Variants in UNC5D observed in about 807,000 individuals in gnomAD.
The protein encoded by UNC5D is netrin receptor UNC5D.
Under a neutral mutation model 105.4 loss-of-function variants are expected in UNC5D, and 39 were observed. That is an observed-to-expected ratio of 0.37 (90% CI 0.29 to 0.48). The LOEUF is 0.48. Ranked by LOEUF, UNC5D falls within the 20% of genes least tolerant of loss-of-function variation. The pLI is 0.98. For missense variants in UNC5D, 991 were observed against 1,202.4 expected (o/e 0.82, Z 2.60); for synonymous variants, 452 against 450.4 (o/e 1.00, Z -0.04).
chr8:35,671,638 TTA>T (rs1221487373), intron 4 of UNC5D, among the ~76,000 whole-genome samples: 1 of 152,128 alleles, frequency 6.6e-6, no homozygotes, highest in Non-Finnish European at 1.5e-5. Flanking sequence ...ATACAAGACT[TTA>T]GAGTTTGAAT....
chr8:35,725,307 T>TA (rs1828801127), intron 9 of UNC5D, among the ~76,000 whole-genome samples: 1 of 152,174 alleles, frequency 6.6e-6, no homozygotes, highest in Non-Finnish European at 1.5e-5. Flanking sequence ...TAAATGAGAT[T>TA]ACTTCATCAC....
At chr8:35,419,549 G>T (rs923044551) in intron 1 of UNC5D, among the ~76,000 whole-genome samples, 7 of 152,186 alleles carry the variant, frequency 4.6e-5, no homozygotes, top group Non-Finnish European at 1.0e-4. Context: ...GCTTTTGCTT[G>T]GGGAGTCCCA....
intron 1 of UNC5D, among the ~76,000 whole-genome samples, chr8:35,448,132 G>C (rs1482432811): frequency 6.6e-6 from 1 of 152,004 alleles, no homozygotes; most frequent in African/African-American, 2.4e-5. Flanking sequence ...GGCTGAACTG[G>C]AGTTAAAAAA....
intron 16 of UNC5D, among the ~76,000 whole-genome samples, chr8:35,775,025 T>G (rs1019402753): frequency 1.3e-5 from 2 of 152,050 alleles, no homozygotes; most frequent in Admixed American, 1.3e-4. Flanking sequence ...TGGTACCATC[T>G]CTAGGTTTGC....
intron 1 of UNC5D, among the ~76,000 whole-genome samples, chr8:35,503,418 T>C (rs1033261150): frequency 1.3e-5 from 2 of 152,172 alleles, no homozygotes; most frequent in Non-Finnish European, 2.9e-5. Context: ...ACTTACTCAC[T>C]AGCATGAGAG....
chr8:35,756,563 A>T lies in UNC5D; in HGVS notation c.2164-2757A>T, dbSNP rs1057029129. Among the ~76,000 whole-genome samples, 22 of 150,380 alleles carry T rather than the reference A, an allele frequency of 1.5e-4. 1 individual carries two copies. Among genetic ancestry groups the T allele is most frequent in the African/African-American group, 5.2e-4 (21 of 40,140 alleles). On this transcript the variant is annotated intron_variant, in intron 13 of 16. Transcript: ENST00000404895. Reference sequence around the variant, plus strand: ...TCACATGAGTCTTTAAAAAAAAAAAAAAAAGAAAAAAAGAAAGTCAAGCAT... The same window carrying T: ...TCACATGAGTCTTTAAAAAAAAAAATAAAAGAAAAAAAGAAAGTCAAGCAT...
chr8:35,514,780 T>C (rs975993450), intron 1 of UNC5D, among the ~76,000 whole-genome samples: 1 of 152,248 alleles, frequency 6.6e-6, no homozygotes, highest in Non-Finnish European at 1.5e-5. Flanking sequence ...TTTTGTGTGA[T>C]AATATTTGAA....
chr8:35,623,143 G>A (rs1320586706), intron 4 of UNC5D, among the ~76,000 whole-genome samples: 5 of 152,012 alleles, frequency 3.3e-5, no homozygotes, highest in African/African-American at 7.2e-5. Context: ...TCTGTCTCTC[G>A]GATGGTAATT....
At chr8:35,695,700 G>C (rs1826716311) in intron 7 of UNC5D, among the ~76,000 whole-genome samples, 1 of 149,358 alleles carries the variant, frequency 6.7e-6, no homozygotes, top group South Asian at 2.1e-4. Flanking sequence ...TGGCCAGAAA[G>C]TATTTTTATA....
intron 8 of UNC5D, among the ~76,000 whole-genome samples, chr8:35,707,883 G>A (rs911067585): frequency 4.6e-5 from 7 of 152,014 alleles, no homozygotes; most frequent in African/African-American, 1.2e-4. Flanking sequence ...CAACGGAATC[G>A]CTTAAACTGT....
At chr8:35,617,160 C>G (rs1563596353) in intron 4 of UNC5D, among the ~76,000 whole-genome samples, 1 of 152,146 alleles carries the variant, frequency 6.6e-6, no homozygotes, top group Non-Finnish European at 1.5e-5. Flanking sequence ...TAAACAACGG[C>G]CACAATCACC....
intron 4 of UNC5D, among the ~76,000 whole-genome samples, chr8:35,642,921 G>A (rs1406017800): frequency 6.6e-6 from 1 of 152,076 alleles, no homozygotes; most frequent in African/African-American, 2.4e-5. Context: ...ACCCCAGATA[G>A]AGTAAAGCAA....
chr8:35,544,820 C>T (rs1429808403), intron 1 of UNC5D, among the ~76,000 whole-genome samples: 2 of 152,080 alleles, frequency 1.3e-5, no homozygotes, highest in African/African-American at 4.8e-5. Flanking sequence ...CCAGGCTAGT[C>T]TCAAACTCCT....
At chr8:35,504,257 G>C (rs1271523964) in intron 1 of UNC5D, among the ~76,000 whole-genome samples, 1 of 152,154 alleles carries the variant, frequency 6.6e-6, no homozygotes, top group Non-Finnish European at 1.5e-5. Flanking sequence ...TGTGACCTTA[G>C]GCAAGCTGTT....
At chr8:35,534,342 T>C (rs1814671895) in intron 1 of UNC5D, among the ~76,000 whole-genome samples, 1 of 152,128 alleles carries the variant, frequency 6.6e-6, no homozygotes, top group Non-Finnish European at 1.5e-5. Context: ...TTAATGTTTT[T>C]TAATGACATG....
At chr8:35,342,850 G>T (rs1318273418) in intron 1 of UNC5D, among the ~76,000 whole-genome samples, 3 of 152,108 alleles carry the variant, frequency 2.0e-5, no homozygotes, top group African/African-American at 7.2e-5. Context: ...GGGAGATATT[G>T]TGCTATTTCA....
At chr8:35,597,454 A>G (rs1427581272) in intron 4 of UNC5D, among the ~76,000 whole-genome samples, 3 of 151,718 alleles carry the variant, frequency 2.0e-5, no homozygotes, top group Non-Finnish European at 2.9e-5. Context: ...GGAGCCTAAC[A>G]GAGGTATCAG....
At chr8:35,236,405 C>A (rs1802465370) in intron 1 of UNC5D, among the ~76,000 whole-genome samples, 1 of 9,602 alleles carries the variant, frequency 1.0e-4, no homozygotes, top group South Asian at 2.5e-3. Flanking sequence ...AGCTTGGCAC[C>A]CCTCGGGCGT....
chr8:35,778,727 T>C (rs1802369973), intron 16 of UNC5D, among the ~76,000 whole-genome samples: 1 of 152,210 alleles, frequency 6.6e-6, no homozygotes, highest in South Asian at 2.1e-4. Context: ...AAGGAAAACT[T>C]TCAAAACAAG....
Sources: allele counts gnomAD v4.1 joint callset (sites outside exome capture counted in the v4.1 genomes callset), GRCh38; gene constraint gnomAD v4.1.1; transcripts MANE v1.5; gene names NCBI Gene and HGNC (gene_info 2026-07-23, HGNC 2026-07-21).